RALGAPB: variants seen among roughly 807,000 people sequenced by gnomAD.
RALGAPB encodes the protein Ral GTPase activating protein non-catalytic subunit beta.
RALGAPB carries 25 observed loss-of-function variants against 161.1 expected under a neutral mutation model. The observed-to-expected ratio is 0.16, with a 90% CI of 0.11 to 0.22. The LOEUF (loss-of-function observed/expected upper bound fraction) is 0.22, where lower values mean the gene tolerates loss of function less well. Ranked by LOEUF, RALGAPB falls within the 10% of genes least tolerant of loss-of-function variation. The pLI is 1.00. For missense variants in RALGAPB, 1,391 were observed against 1,815.2 expected, an observed-to-expected ratio of 0.77 and a Z score of 4.25; for synonymous variants, 629 against 626.1, an observed-to-expected ratio of 1.00 and a Z score of -0.07.
intron 9 of RALGAPB, among the ~76,000 whole-genome samples, chr20:38,520,546 T>G (rs1346866130): frequency 6.7e-6 from 1 of 148,592 alleles, no homozygotes; most frequent in African/African-American, 2.5e-5. Context: ...TTTTTTTTTT[T>G]AAAGCTTTAA....
intron 27 of RALGAPB, 91 bp downstream of exon 27, chr20:38,570,087 T>G (rs1869482785): frequency 9.5e-7 from 1 of 1,058,112 alleles, no homozygotes; most frequent in African/African-American, 1.6e-5. Flanking sequence ...ATAAGCCTGG[T>G]GTGGCCAGGA....
chr20:38,475,074 T>C (rs1301718595), intron 1 of RALGAPB, among the ~76,000 whole-genome samples: 1 of 152,216 alleles, frequency 6.6e-6, no homozygotes, highest in East Asian at 1.9e-4. Flanking sequence ...CAATCAACAT[T>C]GTTTGATTTT....
At chr20:38,550,855 T>G (rs900607481) in intron 20 of RALGAPB, among the ~76,000 whole-genome samples, 3 of 152,202 alleles carry the variant, frequency 2.0e-5, no homozygotes, top group Non-Finnish European at 4.4e-5. Flanking sequence ...TCATTAGATC[T>G]ATAAGAAGTC....
At chr20:38,559,186 T>G (rs2087701843) in intron 23 of RALGAPB, among the ~76,000 whole-genome samples, 1 of 152,198 alleles carries the variant, frequency 6.6e-6, no homozygotes, top group Non-Finnish European at 1.5e-5. Flanking sequence ...AGGTTAGTCA[T>G]AAAAGTTAAA....
rs2084692941 is a variant in RALGAPB at position 38,472,955 on chromosome 20, C to T, written c.-145C>T. ...GGACTGACGGACCGCCTGAGGACGG[C>T]CGGCCAGGGCGGTGAAAGCGCCAGC... On this transcript the variant is annotated 5_prime_UTR_variant, in exon 1 of 30. Coordinates refer to ENST00000262879, the MANE Select transcript of RALGAPB (RefSeq NM_020336.4). 5.0e-6 allele frequency: 2 copies of T among 398,646 alleles called. No individual in the cohort carries two copies. The highest frequency in any genetic ancestry group is 8.9e-6 in the Non-Finnish European group (2 of 225,860). The allele number at this position is 398,646 out of a possible 1,614,324, so 24.7% of individuals were successfully genotyped here. A position where few individuals can be genotyped will look rare whatever the true frequency, so the allele number is the denominator to read the frequency against.
chr20:38,480,311 G>A lies in RALGAPB; in HGVS notation c.-31+7242G>A, dbSNP rs565903537. 9.4e-5 allele frequency among the ~76,000 whole-genome samples: 10 copies of A among 106,620 alleles called. No individual in the cohort carries two copies. In the South Asian group the frequency reaches 3.5e-3, roughly 37 times the overall value. The allele number at this position is 106,620 out of a possible 152,430, so 69.9% of individuals were successfully genotyped here. On this transcript the variant is annotated intron_variant, in intron 1 of 29. Coordinates refer to ENST00000262879, the MANE Select transcript of RALGAPB (RefSeq NM_020336.4). Reference sequence around the variant, plus strand: ...TCTTTCCTTTGGCTCTGGGTTTTCGGTTTCTAGTGCTTTTTTTTTTTTTGC... The same window carrying A: ...TCTTTCCTTTGGCTCTGGGTTTTCGATTTCTAGTGCTTTTTTTTTTTTTGC...
At chr20:38,535,051 G>A (rs1031765506) in intron 15 of RALGAPB, 23 bp from the exon 16 acceptor site, 3 of 1,611,362 alleles carry the variant, frequency 1.9e-6, no homozygotes, top group Non-Finnish European at 2.5e-6. Flanking sequence ...CCTGTGGGAT[G>A]TGGCATTGGG....
Position 38,562,661 on chromosome 20 carries a change from A to G in RALGAPB, c.3661A>G (p.Ile1221Val), listed in dbSNP as rs1186339454. The G allele has an allele frequency of 2.5e-6, 4 of 1,613,204 alleles. No individual in the cohort carries two copies. In the Admixed American group the frequency reaches 5.0e-5, roughly 20 times the overall value. Reference protein sequence around the residue: ...WTGHVSTSWSINCCDDGEGSQ... With the variant: ...WTGHVSTSWSVNCCDDGEGSQ... ...TGGGCATGTTTCTACCAGTTGGTCTATTAATTGTTGTGATGATGGTGAAGG... is the reference window on the plus strand; with the variant it reads ...TGGGCATGTTTCTACCAGTTGGTCTGTTAATTGTTGTGATGATGGTGAAGG... Residue 1221 changes from isoleucine to valine, a missense_variant, in exon 24 of 30, where the codon ATT becomes GTT. Ile to Val is a conservative substitution (Grantham distance 29). Transcript: ENST00000262879.
At chr20:38,506,335 C>T (rs1207359165) in intron 5 of RALGAPB, among the ~76,000 whole-genome samples, 1 of 151,908 alleles carries the variant, frequency 6.6e-6, no homozygotes. Flanking sequence ...ACTCTGTCAC[C>T]CAGGCTGGAA....
Position 38,525,508 on chromosome 20 carries a change from T to G in RALGAPB, c.1892T>G (p.Val631Gly). Reference protein sequence around the residue: ...LLPLPHHFGTVKSEVVLEGKF... With the variant: ...LLPLPHHFGTGKSEVVLEGKF... ...CCCCTCCCTCATCATTTTGGCACAG[T>G]CAAATCTGAGGTAATGTTTTGTTAA... The change falls in exon 12 of 30, where the codon GTC (valine) becomes GGC (glycine). Residue 631 changes from valine to glycine, a missense_variant. Coordinates refer to ENST00000262879, the MANE Select transcript of RALGAPB (RefSeq NM_020336.4). 6.3e-7 allele frequency: 1 copy of G among 1,598,422 alleles called. No individual in the cohort carries two copies. Among genetic ancestry groups the G allele is most frequent in the Non-Finnish European group, 8.6e-7 (1 of 1,167,698 alleles).
intron 1 of RALGAPB, among the ~76,000 whole-genome samples, chr20:38,482,426 C>CTTTTTTTT (rs386393725): frequency 3.3e-5 from 4 of 121,382 alleles, no homozygotes; most frequent in Admixed American, 9.6e-5. Flanking sequence ...GTATGTTTAT[C>CTTTTTTTT]TTTTTTTTTT....
chr20:38,508,033 A>T (rs940741639), intron 5 of RALGAPB, among the ~76,000 whole-genome samples: 1 of 151,810 alleles, frequency 6.6e-6, no homozygotes, highest in African/African-American at 2.4e-5. Context: ...AACTTCATGT[A>T]AAACTATTAT....
chr20:38,554,723 G>C (rs12479654), intron 22 of RALGAPB, among the ~76,000 whole-genome samples: 14 of 152,262 alleles, frequency 9.2e-5, no homozygotes, highest in South Asian at 2.1e-4. Flanking sequence ...ATAGTACTTA[G>C]CACAAAGTAA....
chr20:38,484,010 G>A (rs2085047903), intron 1 of RALGAPB, among the ~76,000 whole-genome samples: 1 of 151,846 alleles, frequency 6.6e-6, no homozygotes, highest in Admixed American at 6.6e-5. Flanking sequence ...CCAATATGGT[G>A]AATACTAAAA....
chr20:38,509,820 T>A (rs1410581295), intron 6 of RALGAPB, among the ~76,000 whole-genome samples: 1 of 152,246 alleles, frequency 6.6e-6, no homozygotes, highest in Non-Finnish European at 1.5e-5. Context: ...CTTCTCTTTC[T>A]GGTTTAACTA....
At position 38,476,170 on chromosome 20, in the gene RALGAPB, G is replaced by T. The variant is rs1275384887; in HGVS notation, c.-31+3101G>T. 2.0e-5 allele frequency among the ~76,000 whole-genome samples: 3 copies of T among 152,166 alleles called. No homozygotes were observed. In the East Asian group the frequency reaches 5.8e-4, roughly 29 times the overall value. ...TCTGTAGTTGTGCCCCAAAGTAAAG[G>T]TGAAAAATTCCACATGCTCAGAGAA... On this transcript the variant is annotated intron_variant, in intron 1 of 29. Coordinates refer to ENST00000262879, the MANE Select transcript of RALGAPB (RefSeq NM_020336.4).
At chr20:38,509,423 C>T (rs1265080877) in intron 6 of RALGAPB, among the ~76,000 whole-genome samples, 3 of 152,226 alleles carry the variant, frequency 2.0e-5, no homozygotes, top group Admixed American at 6.5e-5. Flanking sequence ...TTGGTTTACA[C>T]GCTCTAGGAA....
chr20:38,486,477 C>T (rs2085119792), intron 1 of RALGAPB, among the ~76,000 whole-genome samples: 1 of 152,038 alleles, frequency 6.6e-6, no homozygotes, highest in South Asian at 2.1e-4. Context: ...GGGTAGTGGC[C>T]ATTTCTTAAA....
chr20:38,510,738 G>C (rs1396265326), intron 6 of RALGAPB, among the ~76,000 whole-genome samples: 1 of 141,320 alleles, frequency 7.1e-6, no homozygotes, highest in East Asian at 1.9e-4. Flanking sequence ...GTGAAACCCC[G>C]TCTCTACTAA....
Sources: allele counts gnomAD v4.1 joint callset (sites outside exome capture counted in the v4.1 genomes callset), GRCh38; gene constraint gnomAD v4.1.1; transcripts MANE v1.5; gene names NCBI Gene and HGNC (gene_info 2026-07-23, HGNC 2026-07-21).